SPATA18: variants seen among roughly 807,000 people sequenced by gnomAD.
SPATA18 encodes mitochondria-eating protein.
Under a neutral mutation model 68.1 loss-of-function variants are expected in SPATA18, and 54 were observed. The ratio of observed to expected loss-of-function variants is 0.79; its 90% CI spans 0.64 to 0.99. The LOEUF (loss-of-function observed/expected upper bound fraction) is 0.99. Among genes scored for constraint, SPATA18 ranks in the 50% least tolerant of loss-of-function variants. The probability of loss-of-function intolerance (pLI) is 0.00; values close to 1 mark genes in which losing one functional copy is unlikely to be tolerated. For missense variants in SPATA18, 724 were observed against 681.1 expected (o/e 1.06, Z -0.70); for synonymous variants, 242 against 244.8 (o/e 0.99, Z 0.11).
intron 11 of SPATA18, among the ~76,000 whole-genome samples, chr4:52,093,190 T>G (rs2109545891): frequency 6.6e-6 from 1 of 152,230 alleles, no homozygotes; most frequent in South Asian, 2.1e-4. Flanking sequence ...TTAAACAGAT[T>G]AGCTGAATGT....
At chr4:52,073,604 T>C (rs1740062190) in intron 6 of SPATA18, among the ~76,000 whole-genome samples, 1 of 152,064 alleles carries the variant, frequency 6.6e-6, no homozygotes. Context: ...AGAACTCATC[T>C]CTAAAAAAAG....
chr4:52,093,294 G>A (rs888327726), intron 11 of SPATA18, among the ~76,000 whole-genome samples: 3 of 152,152 alleles, frequency 2.0e-5, no homozygotes, highest in African/African-American at 7.2e-5. Context: ...ATGAGATAGA[G>A]ATTCCTCCCA....
intron 5 of SPATA18, among the ~76,000 whole-genome samples, chr4:52,071,300 A>G (rs1314848371): frequency 6.6e-6 from 1 of 152,152 alleles, no homozygotes; most frequent in Non-Finnish European, 1.5e-5. Flanking sequence ...TGGCCATGCC[A>G]CTTTGTATCT....
In SPATA18 at chr4:52,069,857, G is replaced by A; in HGVS notation, c.459G>A (p.Lys153=). The A allele has an allele frequency of 6.3e-7, 1 of 1,596,332 alleles. No homozygotes were observed. The highest frequency in any genetic ancestry group is 8.6e-7 in the Non-Finnish European group (1 of 1,169,040). ...CTGAAAAGAATCTTGAAGAAAGCAA[G>A]AACAGATCGGCCATATCCCTTTTGG... The part of the protein sequence containing the change: ...VETEKNLEES[K]NRSAISLLAA... The change falls in exon 5 of 13, where the codon AAG becomes AAA. Residue 153 remains lysine (K), a synonymous_variant. Coordinates refer to ENST00000295213, the MANE Select transcript of SPATA18 (RefSeq NM_145263.4).
chr4:52,052,937 A>C (rs1468189093), intron 1 of SPATA18, among the ~76,000 whole-genome samples: 1 of 152,210 alleles, frequency 6.6e-6, no homozygotes, highest in Non-Finnish European at 1.5e-5. Context: ...CCTTTTAAAG[A>C]ACAAGCGCTG....
intron 10 of SPATA18, among the ~76,000 whole-genome samples, chr4:52,083,782 C>G (rs1255186013): frequency 4.0e-5 from 6 of 148,738 alleles, no homozygotes; most frequent in Non-Finnish European, 7.4e-5. Context: ...CGTTCTGTCT[C>G]CCAGCTGGAG....
At chr4:52,088,897 G>A (rs1482066417) in intron 11 of SPATA18, among the ~76,000 whole-genome samples, 1 of 152,154 alleles carries the variant, frequency 6.6e-6, no homozygotes, top group African/African-American at 2.4e-5. Context: ...ATTCAGCTGT[G>A]AATCCGTCTG....
chr4:52,087,976 G>T (rs1278194646), intron 11 of SPATA18, among the ~76,000 whole-genome samples: 10 of 151,972 alleles, frequency 6.6e-5, no homozygotes. Flanking sequence ...CTCCTTGAAG[G>T]GGTCCTTCAC....
intron 1 of SPATA18, 39 bp downstream of exon 1, chr4:52,051,830 A>C: frequency 6.4e-7 from 1 of 1,569,640 alleles, no homozygotes; most frequent in Non-Finnish European, 8.7e-7. Flanking sequence ...TCGCCCTCCC[A>C]TAGGTTCCAG....
chr4:52,052,276 C>G (rs1430531889), intron 1 of SPATA18, among the ~76,000 whole-genome samples: 1 of 152,160 alleles, frequency 6.6e-6, no homozygotes, highest in African/African-American at 2.4e-5. Flanking sequence ...GTTATTTACC[C>G]AGAAATCAGC....
At chr4:52,085,350 T>C (rs1026142994) in intron 11 of SPATA18, among the ~76,000 whole-genome samples, 2 of 152,222 alleles carry the variant, frequency 1.3e-5, no homozygotes, top group African/African-American at 4.8e-5. Flanking sequence ...CCCTGGTTCC[T>C]CTAGAAATTT....
Position 52,079,321 on chromosome 4 carries a change from G to T in SPATA18, c.1180-423G>T, listed in dbSNP as rs550339528. On this transcript the variant is annotated intron_variant, in intron 8 of 12. Transcript: ENST00000295213. ...GAGTCATTGAGAGCATTAAATGAAA[G>T]AAAGTAGGCAATTTGCTTAGCACAA... Among the ~76,000 whole-genome samples the T allele has an allele frequency of 5.3e-5, 8 of 152,220 alleles. No homozygotes were observed. The East Asian group carries it at 1.5e-3, about 29-fold the overall frequency.
chr4:52,061,346 G>C (rs949170439), intron 3 of SPATA18, among the ~76,000 whole-genome samples: 1 of 152,022 alleles, frequency 6.6e-6, no homozygotes, highest in Non-Finnish European at 1.5e-5. Flanking sequence ...AGGGGAGAGA[G>C]AGCGTTAGGA....
In SPATA18 at chr4:52,067,332, AT is replaced by A. The variant is rs201084484; in HGVS notation, c.423-2483del. ...AAGTGTTTGTTCATGTTCTTTGCCC[AT>A]TTTTTGATGGGGTTGTTTGTTTTTT... On this transcript the variant is annotated intron_variant, in intron 4 of 12. Transcript: ENST00000295213. Among the ~76,000 whole-genome samples the A allele has an allele frequency of 1.6e-3, 241 of 152,200 alleles. 6 individuals carry two copies. In the East Asian group the frequency reaches 0.043, roughly 27 times the overall value.
Position 52,084,999 on chromosome 4 carries a change from G to A in SPATA18, c.1563G>A (p.Thr521=), listed in dbSNP as rs201647184. 72 of 1,610,408 alleles carry A rather than the reference G, an allele frequency of 4.5e-5. No homozygotes were observed. The African/African-American group carries it at 5.3e-4, about 12-fold the overall frequency. The part of the protein sequence containing the change: ...ICPRSQIGLN[T]MSRSRSPSPI... The stretch of plus-strand genomic sequence containing the variant: ...CCCGTAGCCAAATTGGTTTAAACAC[G>A]GTACATATCTATCTAATCATTTTTA... The change falls in exon 11 of 13, where the codon ACG becomes ACA. Residue 521 remains threonine (T), a splice_region_variant and synonymous_variant. Coordinates refer to ENST00000295213, the MANE Select transcript of SPATA18 (RefSeq NM_145263.4).
chr4:52,069,487 T>C (rs1041332802), intron 4 of SPATA18, among the ~76,000 whole-genome samples: 7 of 152,192 alleles, frequency 4.6e-5, no homozygotes, highest in African/African-American at 7.2e-5. Context: ...CTTGGGGCTT[T>C]GATGTAATTA....
At chr4:52,065,090 T>C (rs1461599741) in intron 4 of SPATA18, among the ~76,000 whole-genome samples, 3 of 152,192 alleles carry the variant, frequency 2.0e-5, no homozygotes, top group African/African-American at 7.2e-5. Flanking sequence ...GAATTGTCCA[T>C]TCATGTCCTT....
At chr4:52,051,884 A>C in intron 1 of SPATA18, 93 bp downstream of exon 1, 1 of 1,204,442 alleles carries the variant, frequency 8.3e-7, no homozygotes, top group Non-Finnish European at 1.2e-6. Flanking sequence ...GTTGGTGGCC[A>C]CTTTGCAAAG....
chr4:52,061,426 A>C (rs758150046), intron 3 of SPATA18, among the ~76,000 whole-genome samples: 1 of 151,868 alleles, frequency 6.6e-6, no homozygotes, highest in Non-Finnish European at 1.5e-5. Context: ...CCACCATGGC[A>C]CACGTATACC....
Sources: allele counts gnomAD v4.1 joint callset (sites outside exome capture counted in the v4.1 genomes callset), GRCh38; gene constraint gnomAD v4.1.1; transcripts MANE v1.5; gene names NCBI Gene and HGNC (gene_info 2026-07-23, HGNC 2026-07-21).